Variants in ABI3BP observed in about 807,000 individuals in gnomAD.
The protein encoded by ABI3BP is target of Nesh-SH3.
A neutral mutation model predicts 268.6 loss-of-function variants in ABI3BP; 216 were observed. The ratio of observed to expected loss-of-function variants is 0.80; its 90% CI spans 0.72 to 0.90. The LOEUF is 0.90. Ranked by LOEUF, ABI3BP falls within the 40% of genes least tolerant of loss-of-function variation. ABI3BP has a pLI of 0.00. For synonymous variants in ABI3BP, 730 were observed against 730.0 expected (o/e 1.00, Z 0.00); for missense variants, 2,090 against 2,182.4 (o/e 0.96, Z 0.84).
In ABI3BP at chr3:100,812,510, C is replaced by A; in HGVS notation, c.3378G>T (p.Leu1126=). The change falls in exon 46 of 68, where the codon CTG becomes CTT. Residue 1126 remains leucine (L), a synonymous_variant. Coordinates refer to ENST00000471714, the MANE Select transcript of ABI3BP (RefSeq NM_001375547.2). ...MTESQPVSDV[L]ESVTLSTESP... is the part of the protein sequence containing the mutation. ...ACTCAGTACTAAGTGTAACCGATTC[C>A]AGAACATCAGAAACTAGTAAAAAAC... The A allele has an allele frequency of 7.5e-7, 1 of 1,328,030 alleles. No individual in the cohort carries two copies. 82.3% of individuals were successfully genotyped at this position (1,328,030 alleles called of 1,614,324 possible).
chr3:100,933,561 A>T (rs1297566014), intron 1 of ABI3BP, among the ~76,000 whole-genome samples: 1 of 151,470 alleles, frequency 6.6e-6, no homozygotes, highest in Non-Finnish European at 1.5e-5. Flanking sequence ...TCAAATTTTT[A>T]AAGTTTTGAA....
At chr3:100,964,961 C>T (rs983581801) in intron 1 of ABI3BP, among the ~76,000 whole-genome samples, 41 of 152,164 alleles carry the variant, frequency 2.7e-4, no homozygotes, top group African/African-American at 8.7e-4. Flanking sequence ...TGTAAAGACT[C>T]ATAAAGAATG....
At chr3:100,992,576 C>T (rs533525926) in intron 1 of ABI3BP, among the ~76,000 whole-genome samples, 68 of 152,182 alleles carry the variant, frequency 4.5e-4, no homozygotes, top group Non-Finnish European at 8.7e-4. Flanking sequence ...GTACATGCAA[C>T]ATTTATGTTC....
intron 6 of ABI3BP, among the ~76,000 whole-genome samples, chr3:100,881,395 T>C (rs1005125944): frequency 2.6e-5 from 4 of 152,080 alleles, no homozygotes; most frequent in African/African-American, 4.8e-5. Context: ...GGATCTCTGA[T>C]GGAAAATAAA....
At chr3:100,939,352 A>G (rs1415027216) in intron 1 of ABI3BP, among the ~76,000 whole-genome samples, 2 of 150,988 alleles carry the variant, frequency 1.3e-5, no homozygotes, top group African/African-American at 4.8e-5. Context: ...ATTTATCTTT[A>G]TCTATTTTAT....
intron 14 of ABI3BP, among the ~76,000 whole-genome samples, chr3:100,856,202 TC>T (rs2098938131): frequency 6.6e-6 from 1 of 152,216 alleles, no homozygotes; most frequent in Admixed American, 6.5e-5. Flanking sequence ...TTACTTCTTT[TC>T]AACCACTCTT....
chr3:100,767,646 T>A (rs1035834821), intron 62 of ABI3BP, among the ~76,000 whole-genome samples: 8 of 151,156 alleles, frequency 5.3e-5, no homozygotes, highest in Non-Finnish European at 1.2e-4. Context: ...AGAAACAAAT[T>A]AAGCCACCTG....
In ABI3BP at chr3:100,843,761, A is replaced by C; in HGVS notation, c.1724-1722T>G. ...GAAATACAATAAATATCAAATAAGC[A>C]TTCATACCTGAAGATAGCAAACAAA... On this transcript the variant is annotated intron_variant, in intron 20 of 67. Coordinates refer to ENST00000471714, the MANE Select transcript of ABI3BP (RefSeq NM_001375547.2). 4.1e-6 allele frequency: 4 copies of C among 981,562 alleles called. No individual in the cohort carries two copies. In the South Asian group the frequency reaches 1.9e-4, roughly 46 times the overall value. The allele number at this position is 981,562 out of a possible 1,614,324, so 60.8% of individuals were successfully genotyped here. A position where few individuals can be genotyped will look rare whatever the true frequency, so the allele number is the denominator to read the frequency against.
At chr3:100,753,935 C>G (rs1334812321) in intron 64 of ABI3BP, 87 bp from the exon 65 acceptor site, 2 of 1,350,734 alleles carry the variant, frequency 1.5e-6, no homozygotes, top group Non-Finnish European at 1.0e-6. Context: ...GGGGCTTACA[C>G]TTGTTAAGAA....
At chr3:100,770,626 G>C in intron 62 of ABI3BP, 117 bp downstream of exon 62, 1 of 985,796 alleles carries the variant, frequency 1.0e-6, no homozygotes, top group Non-Finnish European at 1.4e-6. Context: ...AAAACTGCTA[G>C]TTTTGTCTCC....
At chr3:100,779,633 A>G (rs3057225) in intron 58 of ABI3BP, among the ~76,000 whole-genome samples, 293 of 142,038 alleles carry the variant, frequency 2.1e-3, no homozygotes, top group Non-Finnish European at 2.5e-3. Flanking sequence ...CTCTCTCTCT[A>G]TGTGTTCAGG....
At chr3:100,795,186 C>T (rs1041666288) in intron 53 of ABI3BP, among the ~76,000 whole-genome samples, 183 bp from the exon 54 acceptor site, 1 of 151,978 alleles carries the variant, frequency 6.6e-6, no homozygotes, top group Admixed American at 6.6e-5. Flanking sequence ...ACTGTTTTTC[C>T]ACCAGGACAC....
chr3:100,912,293 A>AAAC (rs2056942594), intron 2 of ABI3BP: 1 of 156,084 alleles, frequency 6.4e-6, no homozygotes. Context: ...AAAAAAAAAA[A>AAAC]AAAAAAAAAA....
chr3:100,749,355 T>TTTATTGCAGAATTTA lies in ABI3BP; in HGVS notation c.*1125_*1139dup, dbSNP rs1346384567. On this transcript the variant is annotated 3_prime_UTR_variant, in exon 68 of 68. Coordinates refer to ENST00000471714, the MANE Select transcript of ABI3BP (RefSeq NM_001375547.2). ...CAATCTTAAAAAAAAACTACATCTCTTTATTGCAGAATTTATACTTGTTTG... is the reference window on the plus strand; with the variant it reads ...CAATCTTAAAAAAAAACTACATCTCTTTATTGCAGAATTTATTATTGCAGAATTTATACTTGTTTG... 2 of 237,512 alleles carry TTTATTGCAGAATTTA rather than the reference T, an allele frequency of 8.4e-6. No homozygotes were observed. Among genetic ancestry groups the TTTATTGCAGAATTTA allele is most frequent in the Non-Finnish European group, 1.5e-5 (2 of 132,248 alleles). 14.7% of individuals were successfully genotyped at this position (237,512 alleles called of 1,614,324 possible).
intron 48 of ABI3BP, 49 bp from the exon 49 acceptor site, chr3:100,810,526 C>T (rs2097837661): frequency 1.5e-6 from 2 of 1,310,338 alleles, no homozygotes; most frequent in Non-Finnish European, 2.1e-6. Flanking sequence ...ACTTGACAGA[C>T]CTTGAGTACA....
At position 100,749,782 on chromosome 3, in the gene ABI3BP, A is replaced by ATTGTAACATT. The variant is rs1265686831; in HGVS notation, c.*703_*712dup. 2.5e-6 allele frequency: 1 copy of ATTGTAACATT among 397,878 alleles called. No individual in the cohort carries two copies. Among genetic ancestry groups the ATTGTAACATT allele is most frequent in the African/African-American group, 2.1e-5 (1 of 48,608 alleles). The allele number at this position is 397,878 out of a possible 1,614,324, so 24.6% of individuals were successfully genotyped here. On this transcript the variant is annotated 3_prime_UTR_variant, in exon 68 of 68. Transcript: ENST00000471714. ...ATAGTTTGACAAAGCATATTCAGAT[A>ATTGTAACATT]TTGTAACATTTATGGTGGGTAAAAA...
intron 18 of ABI3BP, 138 bp from the exon 19 acceptor site, chr3:100,847,811 A>C (rs1169841515): frequency 2.8e-6 from 2 of 713,396 alleles, no homozygotes; most frequent in African/African-American, 3.5e-5. Context: ...AGTTTTGAGG[A>C]AGAATTGTTA....
At chr3:100,833,286 T>C (rs2098522915) in intron 29 of ABI3BP, 129 bp from the exon 30 acceptor site, 2 of 804,014 alleles carry the variant, frequency 2.5e-6, no homozygotes, top group South Asian at 1.9e-5. Context: ...AAAGCAAACA[T>C]TTTGAAGTTC....
intron 10 of ABI3BP, among the ~76,000 whole-genome samples, chr3:100,866,156 A>G (rs989601088): frequency 3.3e-5 from 5 of 152,180 alleles, no homozygotes; most frequent in African/African-American, 1.2e-4. Flanking sequence ...AAAATTCACT[A>G]CAGATTGGAG....
Sources: gnomAD v4.1 joint callset for allele counts (sites outside exome capture counted in the v4.1 genomes callset) on GRCh38, gnomAD v4.1.1 for gene constraint, MANE v1.5 for transcripts, NCBI Gene and HGNC (gene_info 2026-07-23, HGNC 2026-07-21) for gene names.